The following NIN variants were observed in gnomAD, a reference collection of about 807,000 sequenced individuals.
NIN encodes ninein, also known as glycogen synthase kinase 3 beta-interacting protein.
A neutral mutation model predicts 257.6 loss-of-function variants in NIN; 137 were observed. That is an observed-to-expected ratio of 0.53 (90% CI 0.46 to 0.61). The LOEUF is 0.61. Ranked by LOEUF, NIN falls within the 20% of genes least tolerant of loss-of-function variation. The pLI is 0.00. For missense variants in NIN, 2,439 were observed against 2,501.2 expected (o/e 0.98, Z 0.53); for synonymous variants, 918 against 919.8 (o/e 1.00, Z 0.04).
In NIN at chr14:50,792,717, T is replaced by G; in HGVS notation, c.430A>C (p.Ser144Arg). 1 of 1,614,190 alleles carries G rather than the reference T, an allele frequency of 6.2e-7. No homozygotes were observed. Residue 144 changes from serine (S) to arginine (R), a missense_variant, in exon 5 of 31, where the codon AGT becomes CGT. Ser to Arg is a moderately radical substitution (Grantham distance 110, BLOSUM62 -1). This residue lies in a region of NIN where 387 missense variants were observed against 427.3 expected (regional missense o/e 0.91). Coordinates refer to ENST00000530997, the MANE Select transcript of NIN (RefSeq NM_020921.4). ...RPSHIPAGDC[S>R]EHWKTQRSEE... ...GTGCATGCCCGATTCCTTACCTCAC[T>G]GCAGTCACCGGCTGGGATGTGTGAA... is the stretch of plus-strand genomic sequence containing the variant.
rs182997526 is a variant in NIN at position 50,765,188 on chromosome 14, G to A, written c.1635+1119C>T. Among the ~76,000 whole-genome samples the A allele has an allele frequency of 7.9e-5, 12 of 151,810 alleles. No homozygotes were observed. In the East Asian group the frequency reaches 2.3e-3, roughly 29 times the overall value. On this transcript the variant is annotated intron_variant, in intron 14 of 30. Coordinates refer to ENST00000530997, the MANE Select transcript of NIN (RefSeq NM_020921.4). ...GGAGGTGGAGGTTGCAGTGAGCTGC[G>A]ATCACACCACCGTACTCCAGCCTGG...
chr14:50,778,780 C>T lies in NIN; in HGVS notation c.460G>A (p.Glu154Lys). ...SEHWKTQRSEEYEAEGQLRFW... is the reference protein window; with the variant it reads ...SEHWKTQRSEKYEAEGQLRFW... Reference sequence around the variant, plus strand: ...CGGCTCTTACCTTCCGCTTCATACTCCTCACTGCGTTGCGTCTTCCAGTGC... The same window carrying T: ...CGGCTCTTACCTTCCGCTTCATACTTCTCACTGCGTTGCGTCTTCCAGTGC... The change falls in exon 6 of 31, where the codon GAG becomes AAG. Residue 154 changes from glutamate to lysine, a missense_variant. By Grantham distance (56) the Glu-to-Lys change is moderately conservative (BLOSUM62 1). This residue lies in a region of NIN where 387 missense variants were observed against 427.3 expected (regional missense o/e 0.91). Transcript: ENST00000530997. 3 of 1,614,118 alleles carry T rather than the reference C, an allele frequency of 1.9e-6. No homozygotes were observed. Among genetic ancestry groups the T allele is most frequent in the Non-Finnish European group, 2.5e-6 (3 of 1,180,022 alleles).
chr14:50,780,603 G>A (rs1438070219), intron 5 of NIN, among the ~76,000 whole-genome samples: 2 of 152,098 alleles, frequency 1.3e-5, no homozygotes, highest in Admixed American at 1.3e-4. Context: ...TCTTAAATGA[G>A]GGCCAACCAC....
intron 5 of NIN, among the ~76,000 whole-genome samples, chr14:50,780,540 C>A (rs151312198): frequency 1.3e-5 from 2 of 152,288 alleles, no homozygotes; most frequent in East Asian, 3.9e-4. Flanking sequence ...TTCTTTCAGG[C>A]AACCTACGCT....
At chr14:50,795,224 C>T (rs377153253) in intron 4 of NIN, among the ~76,000 whole-genome samples, 4 of 152,174 alleles carry the variant, frequency 2.6e-5, no homozygotes, top group African/African-American at 9.7e-5. Flanking sequence ...CCAAACCATG[C>T]AAGTGACCAA....
Position 50,773,731 on chromosome 14 carries a change from T to C in NIN, c.667-636A>G, listed in dbSNP as rs943105834. Reference sequence around the variant, plus strand: ...ACTTTATGTGTGTGCAATAGAAGGGTTCCAAGACATGTAAAGGCAAGGGAG... The same window carrying C: ...ACTTTATGTGTGTGCAATAGAAGGGCTCCAAGACATGTAAAGGCAAGGGAG... On this transcript the variant is annotated intron_variant, in intron 7 of 30. Coordinates refer to ENST00000530997, the MANE Select transcript of NIN (RefSeq NM_020921.4). Among the ~76,000 whole-genome samples, 3 of 152,290 alleles carry C rather than the reference T, an allele frequency of 2.0e-5. No individual in the cohort carries two copies. In the East Asian group the frequency reaches 5.8e-4, roughly 29 times the overall value.
intron 5 of NIN, among the ~76,000 whole-genome samples, chr14:50,790,646 G>A (rs2043551020): frequency 6.6e-6 from 1 of 152,184 alleles, no homozygotes; most frequent in South Asian, 2.1e-4. Context: ...CTGATGGAGG[G>A]TGGTGAATGC....
At chr14:50,736,703 T>G (rs58880112) in intron 27 of NIN, among the ~76,000 whole-genome samples, 9 of 152,246 alleles carry the variant, frequency 5.9e-5, no homozygotes, top group Non-Finnish European at 1.5e-5. Flanking sequence ...CTGCAAAGTT[T>G]ACTTGAATGT....
At chr14:50,734,451 A>T (rs1595715467) in intron 28 of NIN, among the ~76,000 whole-genome samples, 1 of 152,214 alleles carries the variant, frequency 6.6e-6, no homozygotes, top group African/African-American at 2.4e-5. Context: ...TTTTAAGAGC[A>T]CAAAAAGACA....
chr14:50,806,034 A>T (rs1325668380), intron 4 of NIN: 1 of 152,196 alleles, frequency 6.6e-6, no homozygotes, highest in Non-Finnish European at 1.5e-5. Context: ...CCAGATTTAG[A>T]CACTCTGAAA....
chr14:50,823,592 T>A, intron 2 of NIN: 1 of 189,648 alleles, frequency 5.3e-6, no homozygotes. Context: ...GCCACGATCT[T>A]GCCAGGGGTT....
chr14:50,763,750 T>G (rs2042365834), intron 15 of NIN, 76 bp downstream of exon 15: 1 of 1,308,702 alleles, frequency 7.6e-7, no homozygotes, highest in East Asian at 2.3e-5. Flanking sequence ...TGCCAAAGCT[T>G]TGCAATTTTA....
intron 5 of NIN, among the ~76,000 whole-genome samples, chr14:50,782,209 G>A (rs548802338): frequency 6.6e-6 from 1 of 152,120 alleles, no homozygotes; most frequent in Non-Finnish European, 1.5e-5. Flanking sequence ...ATTACTTTTA[G>A]TAATGTAAAT....
intron 5 of NIN, among the ~76,000 whole-genome samples, chr14:50,782,514 C>T (rs1340888241): frequency 6.6e-6 from 1 of 152,144 alleles, no homozygotes; most frequent in Non-Finnish European, 1.5e-5. Flanking sequence ...AAAATGCTAT[C>T]TATCCTATGA....
At position 50,737,730 on chromosome 14, in the gene NIN, C is replaced by T. The variant is rs552270276; in HGVS notation, c.5775+410G>A. Among the ~76,000 whole-genome samples the T allele has an allele frequency of 8.6e-5, 13 of 151,400 alleles. No individual in the cohort carries two copies. In the East Asian group the frequency reaches 9.7e-4, roughly 11 times the overall value. The stretch of plus-strand genomic sequence containing the variant: ...TGTGATCTTAGCTCACTGCAACCTC[C>T]GCCTCCTGGGTTCCAGCAATTCTCC... On this transcript the variant is annotated intron_variant, in intron 27 of 30. Coordinates refer to ENST00000530997, the MANE Select transcript of NIN (RefSeq NM_020921.4).
chr14:50,726,195 C>T, intron 29 of NIN, 129 bp from the exon 30 acceptor site: 1 of 696,288 alleles, frequency 1.4e-6, no homozygotes, highest in Admixed American at 2.7e-5. Flanking sequence ...ATGGATTTCT[C>T]ATGAAATGAG....
In NIN at chr14:50,773,015, A is replaced by G. The variant is rs761779561; in HGVS notation, c.747T>C (p.Asn249=). Residue 249 remains asparagine (N), a synonymous_variant, in exon 8 of 31, where the codon AAT becomes AAC. Coordinates refer to ENST00000530997, the MANE Select transcript of NIN (RefSeq NM_020921.4). ...VEDFFYGLFK[N]GKSLTPSAST... Reference sequence around the variant, plus strand: ...ATGCTGATGGTGTAAGAGATTTTCCATTTTTAAACAAACCATAGAAAAAAT... The same window carrying G: ...ATGCTGATGGTGTAAGAGATTTTCCGTTTTTAAACAAACCATAGAAAAAAT... The G allele has an allele frequency of 1.2e-6, 2 of 1,613,184 alleles. No homozygotes were observed. The highest frequency in any genetic ancestry group is 4.5e-5 in the East Asian group (2 of 44,854).
intron 22 of NIN, among the ~76,000 whole-genome samples, chr14:50,747,034 T>C (rs948794406): frequency 2.0e-5 from 3 of 152,124 alleles, no homozygotes; most frequent in Non-Finnish European, 4.4e-5. Flanking sequence ...GCTAATTTTT[T>C]TGTAGAGATA....
intron 14 of NIN, 34 bp downstream of exon 14, chr14:50,766,273 T>C (rs754519915): frequency 6.4e-7 from 1 of 1,557,688 alleles, no homozygotes; most frequent in South Asian, 1.1e-5. Flanking sequence ...ACCCAGGCAC[T>C]CCTGCACTTA....
Sources: allele counts gnomAD v4.1 joint callset (sites outside exome capture counted in the v4.1 genomes callset), GRCh38; gene constraint gnomAD v4.1.1; regional missense constraint gnomAD v4.1.1; transcripts MANE v1.5; gene names NCBI Gene and HGNC (gene_info 2026-07-23, HGNC 2026-07-21).